FLT4: variants seen among roughly 807,000 people sequenced by gnomAD.
The protein encoded by FLT4 is vascular endothelial growth factor receptor 3.
Under a neutral mutation model 163.2 loss-of-function variants are expected in FLT4, and 30 were observed. That is an observed-to-expected ratio of 0.18 (90% CI 0.14 to 0.25). The LOEUF (loss-of-function observed/expected upper bound fraction) is 0.25. Among genes scored for constraint, FLT4 ranks in the 10% least tolerant of loss-of-function variants. FLT4 has a pLI of 1.00. For missense variants in FLT4, 1,510 were observed against 1,863.8 expected, an observed-to-expected ratio of 0.81 and a Z score of 3.50; for synonymous variants, 884 against 789.5, an observed-to-expected ratio of 1.12 and a Z score of -2.01.
Position 180,603,375 on chromosome 5 carries a change from G to T in FLT4, c.3909C>A (p.Gly1303=). ...GTGCCCTGGTCACAGCCACATTCTG[G>T]CCAGGTCCTTTACAGCTGCCAAGAC... ...QESGFSCKGP[G]QNVAVTRAHP... is the part of the protein sequence containing the mutation. Residue 1303 remains glycine (G), a synonymous_variant, in exon 30 of 30, where the codon GGC becomes GGA. Coordinates refer to ENST00000261937, the MANE Select transcript of FLT4 (RefSeq NM_182925.5). The T allele has an allele frequency of 6.2e-7, 1 of 1,613,996 alleles. No homozygotes were observed. The highest frequency in any genetic ancestry group is 8.5e-7 in the Non-Finnish European group (1 of 1,179,952).
chr5:180,622,680 C>T (rs763339924), intron 12 of FLT4, 51 bp downstream of exon 12: 18 of 1,149,914 alleles, frequency 1.6e-5, no homozygotes, highest in Non-Finnish European at 2.2e-5. Context: ...CCCAAACCTG[C>T]CCCCTCCTGA....
chr5:180,616,405 C>T lies in FLT4; in HGVS notation c.3181G>A (p.Asp1061Asn). Residue 1061 changes from aspartate (D) to asparagine (N), a missense_variant, in exon 23 of 30, where the codon GAC (aspartate) becomes AAC (asparagine). Physicochemically the swap from Asp to Asn is conservative, Grantham distance 23. Transcript: ENST00000261937. ...VKICDFGLAR[D>N]IYKDPDYVRK... ...ACGTAGTCGGGGTCTTTGTAGATGT[C>T]CCGGGCAAGGCCAAAGTCACAGATC... 6.2e-7 allele frequency: 1 copy of T among 1,614,036 alleles called. No homozygotes were observed. The highest frequency in any genetic ancestry group is 8.5e-7 in the Non-Finnish European group (1 of 1,180,002).
chr5:180,645,779 C>T (rs993202443), intron 1 of FLT4, among the ~76,000 whole-genome samples: 1 of 152,194 alleles, frequency 6.6e-6, no homozygotes, highest in African/African-American at 2.4e-5. Context: ...GACCGGAAAA[C>T]CCAGATTCCA....
intron 11 of FLT4, 53 bp from the exon 12 acceptor site, chr5:180,622,892 G>A: frequency 3.2e-6 from 4 of 1,267,726 alleles, no homozygotes; most frequent in Non-Finnish European, 4.6e-6. Flanking sequence ...CTCCCAACCT[G>A]GGCCCTGTCT....
In FLT4 at chr5:180,611,318, C is replaced by T. The variant is rs2127790942; in HGVS notation, c.3686+13G>A. ...TTCTCCCACCCTACTCCTGGACCTGCAGGACAGCTGACCTGGCGGCCAGGC... is the reference window on the plus strand; with the variant it reads ...TTCTCCCACCCTACTCCTGGACCTGTAGGACAGCTGACCTGGCGGCCAGGC... On this transcript the variant is annotated intron_variant, in intron 27 of 29. Coordinates refer to ENST00000261937, the MANE Select transcript of FLT4 (RefSeq NM_182925.5). 1 of 1,613,794 alleles carries T rather than the reference C, an allele frequency of 6.2e-7. No individual in the cohort carries two copies. Among genetic ancestry groups the T allele is most frequent in the Non-Finnish European group, 8.5e-7 (1 of 1,179,944 alleles).
chr5:180,617,021 G>A (rs2127803640), intron 21 of FLT4, 27 bp from the exon 22 acceptor site: 1 of 1,571,154 alleles, frequency 6.4e-7, no homozygotes, highest in Non-Finnish European at 8.8e-7. Context: ...GGTGGGCTCA[G>A]GAGGCGCCTC....
At chr5:180,604,625 T>A (rs1300402230) in intron 29 of FLT4, among the ~76,000 whole-genome samples, 2 of 152,212 alleles carry the variant, frequency 1.3e-5, no homozygotes, top group African/African-American at 2.4e-5. Context: ...TTTCTGCCCC[T>A]GCCCTCCTCT....
In FLT4 at chr5:180,601,657, G is replaced by A. The variant is rs369176626; in HGVS notation, c.*1535C>T. The A allele has an allele frequency of 8.6e-6, 2 of 233,220 alleles. No homozygotes were observed. Among genetic ancestry groups the A allele is most frequent in the Admixed American group, 5.6e-5 (1 of 17,784 alleles). 14.4% of individuals were successfully genotyped at this position (233,220 alleles called of 1,614,324 possible). On this transcript the variant is annotated 3_prime_UTR_variant, in exon 30 of 30. Transcript: ENST00000261937. ...AGTGAGGAGAAGGGAGCAGAGGTGC[G>A]CGCCAGGAGCCAGGCTGGTTCTCTG...
intron 1 of FLT4, among the ~76,000 whole-genome samples, chr5:180,638,525 A>C (rs1764856204): frequency 6.6e-6 from 1 of 152,152 alleles, no homozygotes; most frequent in Non-Finnish European, 1.5e-5. Flanking sequence ...GCAGTGAGTG[A>C]CACTTTAAAA....
At chr5:180,621,982 T>TG in intron 12 of FLT4, 78 bp from the exon 13 acceptor site, 6 of 1,416,726 alleles carry the variant, frequency 4.2e-6, no homozygotes, top group Non-Finnish European at 5.7e-6. Flanking sequence ...CGGGGTCTCC[T>TG]CCTGCCTCCC....
Position 180,620,259 on chromosome 5 carries a change from G to T in FLT4, c.2456C>A (p.Pro819His), listed in dbSNP as rs1215217451. 21 of 1,612,122 alleles carry T rather than the reference G, an allele frequency of 1.3e-5. No individual in the cohort carries two copies. Among genetic ancestry groups the T allele is most frequent in the Non-Finnish European group, 1.8e-5 (21 of 1,179,952 alleles). Residue 819 changes from proline to histidine, a missense_variant, in exon 17 of 30, where the codon CCC becomes CAC. Coordinates refer to ENST00000261937, the MANE Select transcript of FLT4 (RefSeq NM_182925.5). The surrounding 1 kb of genome is among the most constrained non-coding windows in gnomAD (Gnocchi z 4.4). ...KTGYLSIIMD[P>H]GEVPLEEQCE... ...TTGCTCCTCCAGAGGCACCTCCCCG[G>T]GGTCCATGATGATGGACAGGTAGCC...
rs2127807141 is a variant in FLT4, at chr5:180,618,935, A to G, written c.2851-15T>C. 1.9e-6 allele frequency: 3 copies of G among 1,572,166 alleles called. No individual in the cohort carries two copies. The highest frequency in any genetic ancestry group is 2.3e-5 in the East Asian group (1 of 42,684). On this transcript the variant is annotated splice_polypyrimidine_tract_variant and intron_variant, in intron 20 of 29. Coordinates refer to ENST00000261937, the MANE Select transcript of FLT4 (RefSeq NM_182925.5). Reference sequence around the variant, plus strand: ...GGAGACTTCTCCTGCGGATGCACGAAGCTGGCTCGAGGGCGCCCAGTCGTC... The same window carrying G: ...GGAGACTTCTCCTGCGGATGCACGAGGCTGGCTCGAGGGCGCCCAGTCGTC...
intron 1 of FLT4, among the ~76,000 whole-genome samples, chr5:180,642,624 G>A (rs1185415283): frequency 6.6e-6 from 1 of 152,166 alleles, no homozygotes; most frequent in African/African-American, 2.4e-5. Flanking sequence ...CTCCCTGACA[G>A]CTCTCCTGGG....
At chr5:180,624,439 G>T in intron 10 of FLT4, among the ~76,000 whole-genome samples, 1 of 152,094 alleles carries the variant, frequency 6.6e-6, no homozygotes, top group Non-Finnish European at 1.5e-5. Flanking sequence ...ATGTTGGTCA[G>T]CTGGTCTCGA....
chr5:180,628,819 GTC>G, intron 8 of FLT4, 61 bp downstream of exon 8: 1 of 1,164,426 alleles, frequency 8.6e-7, no homozygotes, highest in East Asian at 2.4e-5. Flanking sequence ...TTCCCCTATG[GTC>G]TGTTTTGCCC....
Position 180,630,562 on chromosome 5 carries a change from G to A in FLT4, c.393C>T (p.Phe131=), listed in dbSNP as rs267600585. Residue 131 remains phenylalanine, a synonymous_variant, in exon 3 of 30, where the codon TTC becomes TTT. Transcript: ENST00000261937. This position sits in a 1 kb window ranked among gnomAD's most constrained non-coding sequence, Gnocchi z 6.3. ...CCCGCCTCCAAGTCTCACCTCTCAC[G>A]AACACGTAGGAGCTGGCGGCCGTGG... ...EGTTAASSYV[F]VRDFEQPFIN... is the part of the protein sequence containing the mutation. The A allele has an allele frequency of 4.3e-6, 7 of 1,612,750 alleles. No homozygotes were observed. The highest frequency in any genetic ancestry group is 1.1e-5 in the South Asian group (1 of 91,078).
Position 180,622,851 on chromosome 5 carries a change from C to G in FLT4, c.1549-12G>C. On this transcript the variant is annotated splice_polypyrimidine_tract_variant and intron_variant, in intron 11 of 29. Coordinates refer to ENST00000261937, the MANE Select transcript of FLT4 (RefSeq NM_182925.5). ...AGCTTGCTCACAGTCTGGGAGAGCA[C>G]AGGCACAAGGATCCATTTCCTGCCC... is the stretch of plus-strand genomic sequence containing the variant. 1.3e-6 allele frequency: 2 copies of G among 1,586,008 alleles called. No homozygotes were observed. Among genetic ancestry groups the G allele is most frequent in the Non-Finnish European group, 1.7e-6 (2 of 1,155,230 alleles).
chr5:180,616,093 T>C (rs417456), intron 23 of FLT4, among the ~76,000 whole-genome samples: 330 of 2,654 alleles, frequency 0.12, 30 homozygotes, highest in Middle Eastern at 0.5. Flanking sequence ...GCACTGGGCC[T>C]GCCGGTCACC....
chr5:180,625,493 A>AC (rs34551767), intron 10 of FLT4, among the ~76,000 whole-genome samples: 2 of 151,730 alleles, frequency 1.3e-5, no homozygotes, highest in Non-Finnish European at 2.9e-5. Context: ...CTCAGGTGAC[A>AC]CCCCCCCAGG....
Sources: gnomAD v4.1 joint callset for allele counts (sites outside exome capture counted in the v4.1 genomes callset) on GRCh38, gnomAD v4.1.1 for gene constraint, Gnocchi (gnomAD v3.1) non-coding constraint, MANE v1.5 for transcripts, NCBI Gene and HGNC (gene_info 2026-07-23, HGNC 2026-07-21) for gene names.